PCSK5: variants seen among roughly 807,000 people sequenced by gnomAD.
PCSK5 encodes the protein prohormone convertase 5.
Under a neutral mutation model 233.2 loss-of-function variants are expected in PCSK5, and 129 were observed. The observed-to-expected ratio is 0.55, with a 90% CI of 0.48 to 0.64. PCSK5 has a LOEUF of 0.64. PCSK5 is among the 30% of genes least tolerant of loss of function. The pLI, the probability that PCSK5 is intolerant of heterozygous loss-of-function variation, is 0.00. For synonymous variants in PCSK5, 825 were observed against 879.2 expected (o/e 0.94, Z 1.09); for missense variants, 2,076 against 2,430.1 (o/e 0.85, Z 3.06).
intron 2 of PCSK5, among the ~76,000 whole-genome samples, chr9:75,969,232 G>C (rs537461925): frequency 7.9e-5 from 12 of 152,310 alleles, no homozygotes; most frequent in African/African-American, 2.9e-4. Context: ...TTGTTCTAAT[G>C]CTAGACAAAA....
At chr9:76,090,884 G>A (rs1831259014) in intron 7 of PCSK5, among the ~76,000 whole-genome samples, 1 of 152,126 alleles carries the variant, frequency 6.6e-6, no homozygotes. Context: ...TCCCATCTGG[G>A]GGTGATAGGA....
Position 76,175,018 on chromosome 9 carries a change from G to A in PCSK5, c.1789G>A (p.Gly597Ser), listed in dbSNP as rs1227956059. ...GAAAGAATGGTCTTTGGTCCTCTAC[G>A]GCACCTCCGTGCAGCCATATTCACC... is the stretch of plus-strand genomic sequence containing the variant. ...KLKEWSLVLYGTSVQPYSPTN... is the reference protein window; with the variant it reads ...KLKEWSLVLYSTSVQPYSPTN... The change falls in exon 14 of 38, where the codon GGC becomes AGC. Residue 597 changes from glycine (G) to serine (S), a missense_variant. Physicochemically the swap from Gly to Ser is moderately conservative, Grantham distance 56. Transcript: ENST00000674117. 1.9e-6 allele frequency: 3 copies of A among 1,612,884 alleles called. No individual in the cohort carries two copies. The highest frequency in any genetic ancestry group is 2.5e-6 in the Non-Finnish European group (3 of 1,179,576).
intron 13 of PCSK5, among the ~76,000 whole-genome samples, chr9:76,173,381 C>T (rs1377895767): frequency 6.6e-6 from 1 of 151,910 alleles, no homozygotes; most frequent in Non-Finnish European, 1.5e-5. Flanking sequence ...GGGCATTCTA[C>T]CTTCCTACCA....
At chr9:75,893,843 A>G (rs762867772) in intron 1 of PCSK5, among the ~76,000 whole-genome samples, 8 of 152,256 alleles carry the variant, frequency 5.3e-5, no homozygotes, top group Non-Finnish European at 1.0e-4. Flanking sequence ...AAGATCAGCT[A>G]TTCTACAGTG....
intron 2 of PCSK5, among the ~76,000 whole-genome samples, chr9:75,934,576 T>G (rs183778385): frequency 3.5e-5 from 5 of 141,768 alleles, no homozygotes; most frequent in East Asian, 2.1e-4. Context: ...AGTTTTTTTG[T>G]TTTTTTTTTT....
intron 9 of PCSK5, among the ~76,000 whole-genome samples, chr9:76,111,431 T>A (rs1026059215): frequency 6.6e-6 from 1 of 152,216 alleles, no homozygotes; most frequent in Non-Finnish European, 1.5e-5. Context: ...GATTTCCTCC[T>A]TGTTCTCAAA....
intron 1 of PCSK5, among the ~76,000 whole-genome samples, chr9:75,896,629 A>G (rs767877130): frequency 3.9e-5 from 6 of 152,210 alleles, no homozygotes; most frequent in Non-Finnish European, 8.8e-5. Context: ...GTTGTGATCA[A>G]TGACAGAAAA....
Position 76,338,127 on chromosome 9 carries a change from A to G in PCSK5, c.4749-103A>G. ...CTAATGAGTAAGGTAAAGAGGCTAAAGTCACTCAGCTTGTAAATGAAACCT... is the reference window on the plus strand; with the variant it reads ...CTAATGAGTAAGGTAAAGAGGCTAAGGTCACTCAGCTTGTAAATGAAACCT... On this transcript the variant is annotated intron_variant, in intron 34 of 37. Transcript: ENST00000674117. 5 of 751,504 alleles carry G rather than the reference A, an allele frequency of 6.7e-6. 1 individual carries two copies. Among genetic ancestry groups the G allele is most frequent in the Middle Eastern group, 3.8e-4 (1 of 2,656 alleles). The allele number at this position is 751,504 out of a possible 1,614,324, so 46.6% of individuals were successfully genotyped here. A position where few individuals can be genotyped will look rare whatever the true frequency, so the allele number is the denominator to read the frequency against.
chr9:76,194,999 T>G (rs1824619215), intron 20 of PCSK5: 1 of 176,196 alleles, frequency 5.7e-6, no homozygotes, highest in Non-Finnish European at 1.2e-5. Context: ...TTGAAAATAT[T>G]TCTAGACATC....
chr9:76,264,133 G>T (rs2131364240), intron 24 of PCSK5, among the ~76,000 whole-genome samples: 1 of 152,262 alleles, frequency 6.6e-6, no homozygotes, highest in African/African-American at 2.4e-5. Flanking sequence ...AAACAGATTA[G>T]AGAATCCAGA....
At chr9:76,072,804 C>T (rs879426408) in intron 7 of PCSK5, among the ~76,000 whole-genome samples, 3 of 152,178 alleles carry the variant, frequency 2.0e-5, no homozygotes, top group Non-Finnish European at 4.4e-5. Flanking sequence ...AAGCCAAATC[C>T]TGTTTGACCA....
intron 13 of PCSK5, among the ~76,000 whole-genome samples, chr9:76,174,277 C>T (rs897297460): frequency 3.3e-5 from 5 of 151,700 alleles, no homozygotes; most frequent in Non-Finnish European, 7.4e-5. Flanking sequence ...GTTCTGTCTA[C>T]TTATTAACAA....
chr9:76,139,959 T>G (rs769143717), intron 10 of PCSK5, among the ~76,000 whole-genome samples: 1 of 152,086 alleles, frequency 6.6e-6, no homozygotes, highest in Non-Finnish European at 1.5e-5. Flanking sequence ...TCATCCAAAA[T>G]GCCCACTTGT....
intron 1 of PCSK5, among the ~76,000 whole-genome samples, chr9:75,927,782 GA>G (rs943899217): frequency 2.0e-5 from 3 of 151,820 alleles, no homozygotes; most frequent in Non-Finnish European, 2.9e-5. Context: ...CCTGCTGCTA[GA>G]AAAAAAAGTA....
intron 5 of PCSK5, among the ~76,000 whole-genome samples, chr9:76,043,335 CAAAAAA>C (rs71372040): frequency 1.6e-5 from 1 of 64,020 alleles, no homozygotes; most frequent in South Asian, 7.3e-4. Context: ...GACTCCATCT[CAAAAAA>C]AAAAAAAAAA....
At chr9:76,336,189 G>T (rs891458894) in intron 34 of PCSK5, among the ~76,000 whole-genome samples, 3 of 152,156 alleles carry the variant, frequency 2.0e-5, no homozygotes, top group African/African-American at 7.2e-5. Context: ...GTTACCACAA[G>T]CTGGGCCACT....
chr9:75,999,647 C>G (rs914158690), intron 3 of PCSK5, among the ~76,000 whole-genome samples: 5 of 152,226 alleles, frequency 3.3e-5, no homozygotes, highest in African/African-American at 1.2e-4. Context: ...CCAGGTGTTG[C>G]TTGCCCTCAT....
chr9:76,312,660 T>A (rs1388811545), intron 30 of PCSK5, among the ~76,000 whole-genome samples: 2 of 152,064 alleles, frequency 1.3e-5, no homozygotes, highest in African/African-American at 2.4e-5. Context: ...TCAAAAAGCA[T>A]CCAATCTAGT....
chr9:76,153,786 A>G (rs1296982416), intron 10 of PCSK5, among the ~76,000 whole-genome samples: 2 of 152,192 alleles, frequency 1.3e-5, no homozygotes, highest in Non-Finnish European at 2.9e-5. Flanking sequence ...GAATTAAATA[A>G]CATTTCTCTT....
Sources: allele counts gnomAD v4.1 joint callset (sites outside exome capture counted in the v4.1 genomes callset), GRCh38; gene constraint gnomAD v4.1.1; transcripts MANE v1.5; gene names NCBI Gene and HGNC (gene_info 2026-07-23, HGNC 2026-07-21).